Variants in FHIP1A observed in about 807,000 individuals in gnomAD.
FHIP1A encodes FHF complex subunit HOOK interacting protein 1A, also known as FHF complex subunit HOOK-interacting protein 1A.
FHIP1A carries 61 observed loss-of-function variants against 88.6 expected under a neutral mutation model. The observed-to-expected ratio is 0.69, with a 90% confidence interval of 0.56 to 0.85. The LOEUF (loss-of-function observed/expected upper bound fraction) is 0.85, where lower values mean the gene tolerates loss of function less well. FHIP1A is among the 40% of genes least tolerant of loss of function. The probability of loss-of-function intolerance (pLI) is 0.00; values close to 1 mark genes in which losing one functional copy is unlikely to be tolerated. For synonymous variants in FHIP1A, 478 were observed against 496.0 expected (o/e 0.96, Z 0.48); for missense variants, 1,154 against 1,273.5 (o/e 0.91, Z 1.43).
intron 1 of FHIP1A, among the ~76,000 whole-genome samples, chr4:151,438,588 G>A (rs1728294336): frequency 7.1e-6 from 1 of 141,550 alleles, no homozygotes; most frequent in East Asian, 2.1e-4. Context: ...TGGTGCAAAA[G>A]TAATTGCGGT....
At chr4:151,606,648 A>G (rs929401418) in intron 7 of FHIP1A, among the ~76,000 whole-genome samples, 4 of 152,328 alleles carry the variant, frequency 2.6e-5, no homozygotes, top group African/African-American at 9.6e-5. Context: ...CCCACAAAAC[A>G]TTGTCAACCT....
chr4:151,494,767 G>A (rs1299430284), intron 3 of FHIP1A, among the ~76,000 whole-genome samples: 1 of 152,108 alleles, frequency 6.6e-6, no homozygotes, highest in Non-Finnish European at 1.5e-5. Context: ...GGACAGTATG[G>A]CCATTTTAAC....
chr4:151,584,216 T>C (rs1053162938), intron 5 of FHIP1A, among the ~76,000 whole-genome samples: 1 of 152,156 alleles, frequency 6.6e-6, no homozygotes, highest in Non-Finnish European at 1.5e-5. Flanking sequence ...ATATGGTCTC[T>C]CCATGTTAAC....
At position 151,598,803 on chromosome 4, in the gene FHIP1A, CTGAA is replaced by C. The variant is rs1412600937; in HGVS notation, c.978+9880_978+9883del. On this transcript the variant is annotated intron_variant, in intron 7 of 13. Coordinates refer to ENST00000435205, the MANE Select transcript of FHIP1A (RefSeq NM_001109977.3). Reference sequence around the variant, plus strand: ...ACGTAAACTTCAAAAGCTCTGGAAACTGAATGTTTTCTTACAACTCACTTGGTTC... The same window carrying C: ...ACGTAAACTTCAAAAGCTCTGGAAACTGTTTTCTTACAACTCACTTGGTTC... Among the ~76,000 whole-genome samples the C allele has an allele frequency of 2.0e-5, 3 of 152,296 alleles. No individual in the cohort carries two copies. In the East Asian group the frequency reaches 5.8e-4, roughly 29 times the overall value.
chr4:151,612,503 C>G (rs1349668583), intron 7 of FHIP1A, among the ~76,000 whole-genome samples: 1 of 152,180 alleles, frequency 6.6e-6, no homozygotes, highest in Non-Finnish European at 1.5e-5. Flanking sequence ...GCCTCAGCCT[C>G]CCAAGTAGCT....
chr4:151,596,730 C>T (rs956977645), intron 7 of FHIP1A, among the ~76,000 whole-genome samples: 12 of 152,062 alleles, frequency 7.9e-5, no homozygotes, highest in African/African-American at 2.9e-4. Context: ...CCTTTTCATT[C>T]TTTTTTTCTC....
intron 3 of FHIP1A, chr4:151,534,678 A>AT (rs1293109540): frequency 6.6e-6 from 1 of 152,176 alleles, no homozygotes; most frequent in Non-Finnish European, 1.5e-5. Flanking sequence ...TGTTAAAATA[A>AT]TTTTTTCCCC....
intron 1 of FHIP1A, among the ~76,000 whole-genome samples, chr4:151,416,480 AC>A (rs1304518122): frequency 6.6e-6 from 1 of 152,036 alleles, no homozygotes; most frequent in Non-Finnish European, 1.5e-5. Context: ...ACACATACAT[AC>A]CCCCTATATT....
chr4:151,504,389 T>C (rs1730752525), intron 3 of FHIP1A, among the ~76,000 whole-genome samples: 2 of 152,114 alleles, frequency 1.3e-5, no homozygotes, highest in Admixed American at 1.3e-4. Context: ...CCCTCAGTGG[T>C]TTATTAAGCC....
At chr4:151,535,454 C>A (rs1447027618) in intron 3 of FHIP1A, among the ~76,000 whole-genome samples, 1 of 152,166 alleles carries the variant, frequency 6.6e-6, no homozygotes, top group Non-Finnish European at 1.5e-5. Context: ...TAAACATACA[C>A]AATCCCACTT....
chr4:151,659,171 A>G (rs1264792632), intron 13 of FHIP1A, among the ~76,000 whole-genome samples: 2 of 152,218 alleles, frequency 1.3e-5, no homozygotes, highest in African/African-American at 4.8e-5. Flanking sequence ...GTGACACTCC[A>G]GGGCTCTGAC....
At chr4:151,566,719 G>A (rs1733402667) in intron 4 of FHIP1A, among the ~76,000 whole-genome samples, 1 of 151,920 alleles carries the variant, frequency 6.6e-6, no homozygotes, top group Non-Finnish European at 1.5e-5. Context: ...CAGTTCTTAA[G>A]CTCTAATAAT....
At chr4:151,606,387 TC>T (rs1446230068) in intron 7 of FHIP1A, among the ~76,000 whole-genome samples, 1 of 152,200 alleles carries the variant, frequency 6.6e-6, no homozygotes, top group African/African-American at 2.4e-5. Context: ...GTCATTCCTT[TC>T]AGTGGAAAAT....
At chr4:151,445,497 A>G (rs1419707649) in intron 1 of FHIP1A, among the ~76,000 whole-genome samples, 2 of 151,858 alleles carry the variant, frequency 1.3e-5, no homozygotes, top group Non-Finnish European at 2.9e-5. Context: ...GAAAATTCCA[A>G]CCCTTTAATT....
intron 5 of FHIP1A, among the ~76,000 whole-genome samples, chr4:151,579,025 A>G (rs934054615): frequency 6.6e-6 from 1 of 152,212 alleles, no homozygotes; most frequent in African/African-American, 2.4e-5. Flanking sequence ...GATTCCAACT[A>G]TACGACATTC....
intron 3 of FHIP1A, among the ~76,000 whole-genome samples, chr4:151,503,950 T>C (rs1414948938): frequency 2.6e-5 from 4 of 152,240 alleles, no homozygotes; most frequent in African/African-American, 7.2e-5. Flanking sequence ...ACAATAGGAA[T>C]GTCCCCTGGG....
At chr4:151,564,845 C>A (rs536653127) in intron 3 of FHIP1A, among the ~76,000 whole-genome samples, 2 of 152,126 alleles carry the variant, frequency 1.3e-5, no homozygotes, top group African/African-American at 2.4e-5. Flanking sequence ...CCCAAAAATT[C>A]TTTCTAAGAC....
At chr4:151,647,911 G>A (rs953840561) in intron 10 of FHIP1A, among the ~76,000 whole-genome samples, 1 of 152,098 alleles carries the variant, frequency 6.6e-6, no homozygotes, top group Non-Finnish European at 1.5e-5. Context: ...TTTGAAGAAG[G>A]TAGTATTCCC....
chr4:151,597,739 A>G (rs1734705558), intron 7 of FHIP1A, among the ~76,000 whole-genome samples: 1 of 152,104 alleles, frequency 6.6e-6, no homozygotes, highest in Admixed American at 6.5e-5. Flanking sequence ...AGAGAGGAGG[A>G]ATCTAGAGAG....
Sources: allele counts gnomAD v4.1 joint callset (sites outside exome capture counted in the v4.1 genomes callset), GRCh38; gene constraint gnomAD v4.1.1; transcripts MANE v1.5; gene names NCBI Gene and HGNC (gene_info 2026-07-23, HGNC 2026-07-21).